Variants in MLF1 observed in about 807,000 individuals in gnomAD.
The protein encoded by MLF1 is myeloid leukemia factor 1, also known as myelodysplasia-myeloid leukemia factor 1.
In MLF1, 37 loss-of-function variants were observed where a neutral mutation model predicts 38.3. That is an observed-to-expected ratio of 0.96 (90% CI 0.74 to 1.27). MLF1 has a LOEUF of 1.27. Among genes scored for constraint, MLF1 ranks in the 50% most tolerant of loss-of-function variants. MLF1 has a pLI of 0.00. For synonymous variants in MLF1, 95 were observed against 106.5 expected (o/e 0.89, Z 0.66); for missense variants, 331 against 349.2 (o/e 0.95, Z 0.42).
chr3:158,603,067 A>G, intron 7 of MLF1, 128 bp downstream of exon 7: 1 of 756,020 alleles, frequency 1.3e-6, no homozygotes, highest in Non-Finnish European at 2.0e-6. Context: ...TTTGTGAAAG[A>G]TGTAATAATT....
intron 1 of MLF1, among the ~76,000 whole-genome samples, chr3:158,572,150 G>C (rs1714509668): frequency 7.9e-6 from 1 of 126,252 alleles, no homozygotes; most frequent in Non-Finnish European, 1.7e-5. Context: ...GTAGGAGGAG[G>C]GTTGAGGACG....
intron 1 of MLF1, among the ~76,000 whole-genome samples, chr3:158,587,359 C>T (rs1717384137): frequency 1.3e-5 from 2 of 152,116 alleles, no homozygotes; most frequent in South Asian, 2.1e-4. Context: ...ACTTGGGGTA[C>T]GAGAAGGGAC....
chr3:158,602,231 A>G (rs1719896954), intron 6 of MLF1, among the ~76,000 whole-genome samples: 1 of 152,216 alleles, frequency 6.6e-6, no homozygotes, highest in South Asian at 2.1e-4. Context: ...GTATTTCACA[A>G]TAATCAACAT....
At chr3:158,603,938 A>T (rs1048468505) in intron 7 of MLF1, among the ~76,000 whole-genome samples, 1 of 152,186 alleles carries the variant, frequency 6.6e-6, no homozygotes, top group African/African-American at 2.4e-5. Context: ...ATGGATAATA[A>T]TATCTAATTC....
intron 1 of MLF1, among the ~76,000 whole-genome samples, chr3:158,580,895 G>A (rs1716239503): frequency 6.6e-6 from 1 of 152,062 alleles, no homozygotes; most frequent in South Asian, 2.1e-4. Context: ...AAGCTGCAGT[G>A]AGCCATGAAC....
intron 4 of MLF1, among the ~76,000 whole-genome samples, chr3:158,597,520 A>G (rs1023126325): frequency 6.6e-6 from 1 of 152,086 alleles, no homozygotes; most frequent in African/African-American, 2.4e-5. Flanking sequence ...AAAACCAGTC[A>G]CTTGATTTGA....
intron 7 of MLF1, among the ~76,000 whole-genome samples, chr3:158,603,475 G>C (rs924595279): frequency 1.3e-5 from 2 of 152,144 alleles, no homozygotes; most frequent in African/African-American, 4.8e-5. Flanking sequence ...AAGAACATTA[G>C]CTTCTTTTAG....
At chr3:158,597,743 G>A (rs1423925106) in intron 4 of MLF1, among the ~76,000 whole-genome samples, 1 of 152,142 alleles carries the variant, frequency 6.6e-6, no homozygotes, top group African/African-American at 2.4e-5. Context: ...AAGTATCACA[G>A]GTTTGGGGGC....
At chr3:158,572,481 A>G (rs1412542836) in intron 1 of MLF1, among the ~76,000 whole-genome samples, 6 of 53,572 alleles carry the variant, frequency 1.1e-4, no homozygotes, top group Admixed American at 5.0e-4. Context: ...AGGAGGATTT[A>G]GGGGCTGAGG....
chr3:158,585,422 T>C (rs1442191449), intron 1 of MLF1, among the ~76,000 whole-genome samples: 1 of 152,216 alleles, frequency 6.6e-6, no homozygotes, highest in Non-Finnish European at 1.5e-5. Context: ...GGCTCCATGA[T>C]TCTTGTCAGT....
chr3:158,595,067 C>T (rs898202206), intron 3 of MLF1, among the ~76,000 whole-genome samples: 10 of 152,046 alleles, frequency 6.6e-5, no homozygotes, highest in African/African-American at 2.2e-4. Flanking sequence ...GACAAAATCG[C>T]CCTGCCCTCA....
chr3:158,571,468 G>A (rs968574023), intron 1 of MLF1, 121 bp downstream of exon 1: 18 of 1,225,088 alleles, frequency 1.5e-5, no homozygotes, highest in South Asian at 6.4e-5. Context: ...CTCTGGAGGC[G>A]GTTTGAAGGA....
Position 158,585,891 on chromosome 3 carries a change from G to A in MLF1, c.48-6543G>A, listed in dbSNP as rs577924057. On this transcript the variant is annotated intron_variant, in intron 1 of 7. Transcript: ENST00000466246. The stretch of plus-strand genomic sequence containing the variant: ...AAAAGAGCAATTTAAGCTGGGCGTG[G>A]TGGCTCATGCCTGTAATCCCAGCAC... 5.6e-4 allele frequency among the ~76,000 whole-genome samples: 86 copies of A among 152,318 alleles called. 1 individual carries two copies. The highest frequency in any genetic ancestry group is 2.0e-3 in the African/African-American group (85 of 41,566).
chr3:158,583,818 CACTT>C (rs1716793230), intron 1 of MLF1, among the ~76,000 whole-genome samples: 1 of 152,136 alleles, frequency 6.6e-6, no homozygotes, highest in Admixed American at 6.6e-5. Flanking sequence ...GAAGAACCAA[CACTT>C]AAGGAATCAA....
chr3:158,575,616 A>G (rs1394942430), intron 1 of MLF1, among the ~76,000 whole-genome samples: 1 of 152,204 alleles, frequency 6.6e-6, no homozygotes, highest in Non-Finnish European at 1.5e-5. Context: ...TGTGAAACAC[A>G]TAGCTCATGC....
intron 1 of MLF1, among the ~76,000 whole-genome samples, chr3:158,573,849 G>A (rs1041613904): frequency 3.3e-5 from 5 of 152,172 alleles, no homozygotes; most frequent in Admixed American, 3.3e-4. Context: ...GTGTTGCCCA[G>A]GCTAGAGTGC....
rs771742046 is a variant in MLF1 at position 158,604,034 on chromosome 3, G to A, written c.747-1063G>A. ...AGAAAGTGGAAAATTGCTACAGAAG[G>A]TGGAAGCCTTCACAGAACTAGCAGT... On this transcript the variant is annotated intron_variant, in intron 7 of 7. Transcript: ENST00000466246. Among the ~76,000 whole-genome samples the A allele has an allele frequency of 1.2e-4, 19 of 152,252 alleles. 1 individual carries two copies. The highest frequency in any genetic ancestry group is 6.8e-3 in the Middle Eastern group (2 of 294).
intron 1 of MLF1, among the ~76,000 whole-genome samples, chr3:158,571,796 A>G (rs1440857953): frequency 3.3e-5 from 1 of 30,638 alleles, no homozygotes; most frequent in East Asian, 8.7e-4. Flanking sequence ...AGGTGAGGGG[A>G]AGGGTTGAGG....
intron 3 of MLF1, 34 bp downstream of exon 3, chr3:158,593,460 T>C: frequency 2.0e-6 from 3 of 1,509,084 alleles, no homozygotes; most frequent in Non-Finnish European, 2.7e-6. Context: ...ATTTTAGCAA[T>C]ATTTTCTGAC....
Sources: allele counts gnomAD v4.1 joint callset (sites outside exome capture counted in the v4.1 genomes callset), GRCh38; gene constraint gnomAD v4.1.1; transcripts MANE v1.5; gene names NCBI Gene and HGNC (gene_info 2026-07-23, HGNC 2026-07-21).